Variants in ZNF649 observed in about 807,000 individuals in gnomAD.
ZNF649 encodes the protein zinc finger protein 649.
ZNF649 carries 7 observed loss-of-function variants against 14.1 expected under a neutral mutation model. That is an observed-to-expected ratio of 0.49 (90% CI 0.28 to 0.93). ZNF649 has a LOEUF of 0.93. Among genes scored for constraint, ZNF649 ranks in the 40% least tolerant of loss-of-function variants. The probability of loss-of-function intolerance (pLI) is 0.10; values close to 1 mark genes in which losing one functional copy is unlikely to be tolerated. For missense variants in ZNF649, 544 were observed against 608.1 expected, an observed-to-expected ratio of 0.89 and a Z score of 1.11; for synonymous variants, 227 against 212.3, an observed-to-expected ratio of 1.07 and a Z score of -0.60.
At chr19:51,895,306 A>C (rs1291750734) in intron 4 of ZNF649, among the ~76,000 whole-genome samples, 1 of 152,102 alleles carries the variant, frequency 6.6e-6, no homozygotes. Flanking sequence ...AACCATAATC[A>C]CATACCGATG....
chr19:51,890,695 C>G lies in ZNF649; in HGVS notation c.1441G>C (p.Gly481Arg). 6.2e-7 allele frequency: 1 copy of G among 1,614,210 alleles called. No individual in the cohort carries two copies. The highest frequency in any genetic ancestry group is 8.5e-7 in the Non-Finnish European group (1 of 1,180,048). Reference sequence around the variant, plus strand: ...GTTACCATATTAACAGGGCTTTTCCCCTGCACATGTTCACTAGGACTTAAG... The same window carrying G: ...GTTACCATATTAACAGGGCTTTTCCGCTGCACATGTTCACTAGGACTTAAG... ...HSLSPSEHVQ[G>R]KSPVNMVTVA... Residue 481 changes from glycine (G) to arginine (R), a missense_variant, in exon 5 of 5, where the codon GGG becomes CGG. Transcript: ENST00000354957.
At chr19:51,901,402 A>G (rs535238136) in intron 1 of ZNF649, among the ~76,000 whole-genome samples, 1 of 152,154 alleles carries the variant, frequency 6.6e-6, no homozygotes, top group Non-Finnish European at 1.5e-5. Context: ...TTAATCTCCA[A>G]TGCAATGGTA....
intron 2 of ZNF649, among the ~76,000 whole-genome samples, chr19:51,898,505 A>C (rs2085077098): frequency 6.6e-6 from 1 of 152,174 alleles, no homozygotes; most frequent in Non-Finnish European, 1.5e-5. Flanking sequence ...CAAGCACAGG[A>C]GCCTCTGATC....
intron 4 of ZNF649, among the ~76,000 whole-genome samples, chr19:51,893,154 C>T (rs1390397829): frequency 6.6e-6 from 1 of 152,192 alleles, no homozygotes; most frequent in Non-Finnish European, 1.5e-5. Context: ...GGAGTCTGTG[C>T]AGACTTTTCT....
chr19:51,891,532 C>G lies in ZNF649; in HGVS notation c.604G>C (p.Gly202Arg). Residue 202 changes from glycine (G) to arginine (R), a missense_variant, in exon 5 of 5, where the codon GGA (glycine) becomes CGA (arginine). Coordinates refer to ENST00000354957, the MANE Select transcript of ZNF649 (RefSeq NM_023074.4). The surrounding 1 kb of genome is among the most constrained non-coding windows in gnomAD (Gnocchi z 4.2). ...AAGCTACACACGTGGGGTTTCTTTCCTGTATGAATTCTCTTATGCTCAGTG... is the reference window on the plus strand; with the variant it reads ...AAGCTACACACGTGGGGTTTCTTTCGTGTATGAATTCTCTTATGCTCAGTG... ...QLTEHKRIHT[G>R]KKPHVCSLCG... 1 of 1,614,196 alleles carries G rather than the reference C, an allele frequency of 6.2e-7. No individual in the cohort carries two copies. The highest frequency in any genetic ancestry group is 8.5e-7 in the Non-Finnish European group (1 of 1,180,046).
intron 2 of ZNF649, among the ~76,000 whole-genome samples, chr19:51,897,624 T>G (rs913616608): frequency 6.6e-6 from 1 of 152,272 alleles, no homozygotes; most frequent in South Asian, 2.1e-4. Flanking sequence ...TTGACATGCA[T>G]AGATACATGT....
At chr19:51,903,975 C>A (rs566647138) in intron 1 of ZNF649, among the ~76,000 whole-genome samples, 154 of 152,318 alleles carry the variant, frequency 1.0e-3, no homozygotes, top group African/African-American at 3.3e-3. Flanking sequence ...CGAACTTAAT[C>A]GTATGCACCT....
rs199959359 is a variant in ZNF649 at position 51,900,142 on chromosome 19, A to G, written c.-35T>C. On this transcript the variant is annotated 5_prime_UTR_variant, in exon 2 of 5. Transcript: ENST00000354957. ...TTTCAGGAAATACCCAAGAACTGGG[A>G]TGCTTCGTCTTTGGTTTCTTCTGGA... is the stretch of plus-strand genomic sequence containing the variant. The G allele has an allele frequency of 1.4e-3, 2,075 of 1,479,752 alleles. 11 individuals carry two copies. Among genetic ancestry groups the G allele is most frequent in the Non-Finnish European group, 1.5e-3 (1,700 of 1,112,708 alleles). 91.7% of individuals were successfully genotyped at this position (1,479,752 alleles called of 1,614,324 possible).
chr19:51,898,656 T>C (rs1389197203), intron 2 of ZNF649, among the ~76,000 whole-genome samples: 1 of 151,808 alleles, frequency 6.6e-6, no homozygotes, highest in Non-Finnish European at 1.5e-5. Flanking sequence ...CTCACACCTG[T>C]AATCCCAACA....
chr19:51,898,492 T>A (rs1006630728), intron 2 of ZNF649, among the ~76,000 whole-genome samples: 1 of 151,944 alleles, frequency 6.6e-6, no homozygotes, highest in African/African-American at 2.4e-5. Context: ...GTCCAAAGGG[T>A]GCCAAGCACA....
chr19:51,899,498 A>T (rs1002475797), intron 2 of ZNF649, among the ~76,000 whole-genome samples: 1 of 152,208 alleles, frequency 6.6e-6, no homozygotes. Flanking sequence ...AGATAAACAC[A>T]GACTGCAACA....
At position 51,899,386 on chromosome 19, in the gene ZNF649, TC is replaced by T. The variant is rs199814925; in HGVS notation, c.15+706del. 7.8e-3 allele frequency among the ~76,000 whole-genome samples: 1,189 copies of T among 152,294 alleles called. 25 individuals carry two copies. Among genetic ancestry groups the T allele is most frequent in the Non-Finnish European group, 6.8e-3 (460 of 68,024 alleles). On this transcript the variant is annotated intron_variant, in intron 2 of 4. Transcript: ENST00000354957. ...GCCATTGCCAAAGAGAACTTTCAAC[TC>T]CCTTTGGTCAAATCTGTACTTAAAC...
At chr19:51,896,255 A>G (rs1032559144) in intron 4 of ZNF649, 2 of 393,730 alleles carry the variant, frequency 5.1e-6, no homozygotes, top group Admixed American at 4.0e-5. Flanking sequence ...TCAACATCTA[A>G]GAAGAAATGA....
chr19:51,897,545 T>C (rs760151755), intron 2 of ZNF649, among the ~76,000 whole-genome samples: 2 of 152,096 alleles, frequency 1.3e-5, no homozygotes, highest in Non-Finnish European at 2.9e-5. Context: ...AACTATACCA[T>C]GATATTTAGC....
At chr19:51,896,407 C>A (rs868493171) in intron 4 of ZNF649, 65 bp downstream of exon 4, 1 of 1,430,334 alleles carries the variant, frequency 7.0e-7, no homozygotes, top group African/African-American at 1.4e-5. Context: ...ACTGTCATGC[C>A]TTCTCTAAAT....
intron 4 of ZNF649, among the ~76,000 whole-genome samples, 180 bp from the exon 5 acceptor site, chr19:51,892,077 A>AAC (rs1186461088): frequency 6.6e-6 from 1 of 151,890 alleles, no homozygotes; most frequent in African/African-American, 2.4e-5. Context: ...TTAAATACAT[A>AAC]TAAGATAAAA....
chr19:51,896,379 T>A, intron 4 of ZNF649, 93 bp downstream of exon 4: 1 of 1,110,050 alleles, frequency 9.0e-7, no homozygotes, highest in Non-Finnish European at 1.4e-6. Flanking sequence ...TGTTTCTGTC[T>A]CCCTAGACAC....
intron 2 of ZNF649, chr19:51,899,716 A>G (rs929810750): frequency 4.6e-5 from 9 of 193,902 alleles, no homozygotes; most frequent in Non-Finnish European, 7.3e-5. Flanking sequence ...ATTTCCCAAG[A>G]TTTAAGTGCC....
At chr19:51,896,125 GAC>G (rs2085060907) in intron 4 of ZNF649, 1 of 236,442 alleles carries the variant, frequency 4.2e-6, no homozygotes, top group South Asian at 5.4e-5. Flanking sequence ...GTGACTATGT[GAC>G]AGAGAAAAAA....
Sources: allele counts gnomAD v4.1 joint callset (sites outside exome capture counted in the v4.1 genomes callset), GRCh38; gene constraint gnomAD v4.1.1; non-coding constraint Gnocchi (gnomAD v3.1); transcripts MANE v1.5; gene names NCBI Gene and HGNC (gene_info 2026-07-23, HGNC 2026-07-21).